PLCB1: variants seen among roughly 807,000 people sequenced by gnomAD.
PLCB1 encodes the protein phospholipase C beta 1.
Under a neutral mutation model 161.8 loss-of-function variants are expected in PLCB1, and 46 were observed. The observed-to-expected ratio is 0.28, with a 90% CI of 0.22 to 0.36. PLCB1 has a LOEUF of 0.36. Ranked by LOEUF, PLCB1 falls within the 10% of genes least tolerant of loss-of-function variation. The pLI, the probability that PLCB1 is intolerant of heterozygous loss-of-function variation, is 1.00. For synonymous variants in PLCB1, 517 were observed against 503.7 expected (o/e 1.03, Z -0.35); for missense variants, 1,016 against 1,472.5 (o/e 0.69, Z 5.07).
chr20:8,150,439 C>G (rs919787947), intron 2 of PLCB1, 68 bp downstream of exon 2: 2 of 660,396 alleles, frequency 3.0e-6, no homozygotes, highest in Non-Finnish European at 5.3e-6. Flanking sequence ...ATTTATGTAT[C>G]TTATCTATAG....
chr20:8,484,323 C>T (rs1307033566), intron 3 of PLCB1, among the ~76,000 whole-genome samples: 2 of 151,590 alleles, frequency 1.3e-5, no homozygotes, highest in African/African-American at 4.9e-5. Context: ...CTACACCCGG[C>T]CACCTTCTCA....
At chr20:8,664,106 C>T (rs528109944) in intron 9 of PLCB1, among the ~76,000 whole-genome samples, 4 of 152,104 alleles carry the variant, frequency 2.6e-5, no homozygotes, top group Middle Eastern at 3.4e-3. Flanking sequence ...CTGTGGAGAT[C>T]AGGTGTTCAT....
chr20:8,400,657 T>G (rs1238727622), intron 3 of PLCB1, among the ~76,000 whole-genome samples: 1 of 152,202 alleles, frequency 6.6e-6, no homozygotes, highest in Non-Finnish European at 1.5e-5. Context: ...CTATTTAAAC[T>G]TAGCAATTTG....
At chr20:8,803,306 T>G (rs189218870) in intron 31 of PLCB1, among the ~76,000 whole-genome samples, 1 of 152,242 alleles carries the variant, frequency 6.6e-6, no homozygotes, top group Admixed American at 6.5e-5. Flanking sequence ...GGAGCACATT[T>G]TAACTGGCCA....
intron 3 of PLCB1, among the ~76,000 whole-genome samples, chr20:8,539,636 CT>C (rs1985206323): frequency 1.3e-5 from 1 of 79,010 alleles, no homozygotes; most frequent in South Asian, 5.4e-4. Context: ...TTCTTTCTTT[CT>C]TTCTTTCTTT....
chr20:8,320,805 GAA>G (rs1984876456), intron 2 of PLCB1, among the ~76,000 whole-genome samples: 1 of 107,848 alleles, frequency 9.3e-6, no homozygotes, highest in African/African-American at 3.5e-5. Flanking sequence ...AAAGAAGAAA[GAA>G]AGAAAGAAAG....
chr20:8,480,640 G>T (rs902237447), intron 3 of PLCB1, among the ~76,000 whole-genome samples: 2 of 152,160 alleles, frequency 1.3e-5, no homozygotes, highest in African/African-American at 2.4e-5. Flanking sequence ...CTATCCAGAT[G>T]CTCCCCCAGG....
rs75824526 is a variant in PLCB1, at chr20:8,486,284, A to G, written c.246+114834A>G. ...GGGGATAAAGCAGATAAAAAGGCAA[A>G]CTCTAGTCAATTGAATTTCTCATAT... On this transcript the variant is annotated intron_variant, in intron 3 of 31. Transcript: ENST00000338037. 9.5e-3 allele frequency among the ~76,000 whole-genome samples: 1,446 copies of G among 151,972 alleles called. 25 individuals are homozygous for G. The highest frequency in any genetic ancestry group is 0.033 in the African/African-American group (1,378 of 41,438).
At chr20:8,220,660 C>T (rs1379300097) in intron 2 of PLCB1, among the ~76,000 whole-genome samples, 3 of 152,284 alleles carry the variant, frequency 2.0e-5, no homozygotes, top group South Asian at 2.1e-4. Flanking sequence ...AAGGATTCTT[C>T]GCTGGAGCCT....
intron 3 of PLCB1, among the ~76,000 whole-genome samples, chr20:8,581,375 T>C (rs543859006): frequency 6.6e-6 from 1 of 152,180 alleles, no homozygotes; most frequent in East Asian, 1.9e-4. Flanking sequence ...TGGCGACCAT[T>C]TGGATATAGG....
intron 31 of PLCB1, among the ~76,000 whole-genome samples, chr20:8,818,942 CAAA>C (rs59427171): frequency 9.0e-5 from 6 of 66,976 alleles, no homozygotes; most frequent in Admixed American, 3.5e-4. Context: ...GACTCAGTCT[CAAA>C]AAAAAAAAAA....
In PLCB1 at chr20:8,844,886, G is replaced by A. The variant is rs555745308; in HGVS notation, c.3424-36736G>A. Among the ~76,000 whole-genome samples the A allele has an allele frequency of 9.2e-5, 14 of 152,086 alleles. No homozygotes were observed. The East Asian group carries it at 1.2e-3, about 13-fold the overall frequency. On this transcript the variant is annotated intron_variant, in intron 31 of 31. Transcript: ENST00000338037. ...AACACTTTGGGAGGCCGAGGCGGGC[G>A]GATCACGAGATCAGGAGATTGAGAC...
chr20:8,881,328 C>T (rs1176111780), intron 31 of PLCB1, among the ~76,000 whole-genome samples: 3 of 128,860 alleles, frequency 2.3e-5, no homozygotes, highest in East Asian at 2.1e-4. Flanking sequence ...TCAAAAGACC[C>T]GTGTGTGTGT....
intron 3 of PLCB1, among the ~76,000 whole-genome samples, chr20:8,440,280 A>C (rs1458749490): frequency 1.3e-5 from 2 of 152,228 alleles, no homozygotes; most frequent in Non-Finnish European, 2.9e-5. Flanking sequence ...GATGACAAAA[A>C]AGGTTCAAAC....
intron 10 of PLCB1, among the ~76,000 whole-genome samples, chr20:8,685,695 C>T (rs1044637567): frequency 2.6e-5 from 4 of 151,738 alleles, no homozygotes; most frequent in African/African-American, 9.7e-5. Context: ...CGAGATCACA[C>T]CACTGCACCC....
intron 3 of PLCB1, among the ~76,000 whole-genome samples, chr20:8,481,270 T>G (rs1460589406): frequency 6.6e-6 from 1 of 152,222 alleles, no homozygotes; most frequent in South Asian, 2.1e-4. Flanking sequence ...GTGCCTTGAG[T>G]GCCTTCTGAT....
chr20:8,790,383 A>T (rs1568600751), intron 31 of PLCB1, 122 bp downstream of exon 31: 1 of 648,822 alleles, frequency 1.5e-6, no homozygotes, highest in African/African-American at 1.8e-5. Context: ...TGCATATGAA[A>T]CTCATGTATC....
chr20:8,138,132 T>G (rs781058433), intron 1 of PLCB1, among the ~76,000 whole-genome samples: 16 of 152,224 alleles, frequency 1.1e-4, no homozygotes, highest in Non-Finnish European at 1.9e-4. Flanking sequence ...GGAATATAAT[T>G]TTCTCTCATA....
At chr20:8,477,362 A>C (rs1277417720) in intron 3 of PLCB1, among the ~76,000 whole-genome samples, 5 of 152,210 alleles carry the variant, frequency 3.3e-5, no homozygotes, top group Non-Finnish European at 7.3e-5. Context: ...TATTAGGACC[A>C]AAGGAAGACG....
Sources: gnomAD v4.1 joint callset for allele counts (sites outside exome capture counted in the v4.1 genomes callset) on GRCh38, gnomAD v4.1.1 for gene constraint, MANE v1.5 for transcripts, NCBI Gene and HGNC (gene_info 2026-07-23, HGNC 2026-07-21) for gene names.